The following HK1 variants were observed in gnomAD, a reference collection of about 807,000 sequenced individuals.
HK1 encodes the protein hexokinase-1.
In HK1, 28 loss-of-function variants were observed where a neutral mutation model predicts 91.6. The observed-to-expected ratio is 0.31, with a 90% CI of 0.23 to 0.42. The LOEUF is 0.42. Ranked by LOEUF, HK1 falls within the 10% of genes least tolerant of loss-of-function variation. The probability of loss-of-function intolerance (pLI) is 1.00; values close to 1 mark genes in which losing one functional copy is unlikely to be tolerated. For synonymous variants in HK1, 430 were observed against 468.1 expected (o/e 0.92, Z 1.05); for missense variants, 770 against 1,219.8 (o/e 0.63, Z 5.49).
At chr10:69,375,987 C>T (rs555793616) in intron 7 of HK1, among the ~76,000 whole-genome samples, 20 of 152,210 alleles carry the variant, frequency 1.3e-4, no homozygotes, top group Non-Finnish European at 2.6e-4. Context: ...AGAGCCCAGC[C>T]CTGGAGTTTA....
intron 2 of HK1, among the ~76,000 whole-genome samples, chr10:69,284,172 A>T (rs1844904634): frequency 6.6e-6 from 1 of 152,104 alleles, no homozygotes; most frequent in African/African-American, 2.4e-5. Flanking sequence ...AGTGTGCAAG[A>T]TTGGTTAAGA....
In HK1 at chr10:69,351,138, G is replaced by A. The variant is rs1474456346; in HGVS notation, c.226+7149G>A. 2.0e-5 allele frequency among the ~76,000 whole-genome samples: 3 copies of A among 151,520 alleles called. 1 individual carries two copies. The highest frequency in any genetic ancestry group is 4.9e-5 in the African/African-American group (2 of 41,198). On this transcript the variant is annotated intron_variant, in intron 2 of 17. Transcript: ENST00000359426. ...TGCAGTGAGCCAAGATCACGCCACTGCACTCCAGCCTGGGCGACAGAGCGA... is the reference window on the plus strand; with the variant it reads ...TGCAGTGAGCCAAGATCACGCCACTACACTCCAGCCTGGGCGACAGAGCGA...
At chr10:69,272,323 C>T (rs1433772551) in intron 1 of HK1, among the ~76,000 whole-genome samples, 3 of 152,138 alleles carry the variant, frequency 2.0e-5, no homozygotes, top group Non-Finnish European at 4.4e-5. Flanking sequence ...CGGATATCAC[C>T]TTCTACCTGA....
intron 2 of HK1, among the ~76,000 whole-genome samples, chr10:69,350,153 T>A (rs1848772095): frequency 6.6e-6 from 1 of 152,162 alleles, no homozygotes. Context: ...ATTGGCTTAC[T>A]TGGGTTATGT....
At chr10:69,377,153 G>C (rs1270239184) in intron 8 of HK1, 64 bp downstream of exon 8, 5 of 1,588,900 alleles carry the variant, frequency 3.1e-6, no homozygotes, top group South Asian at 1.1e-5. Flanking sequence ...TTGGTCCCTT[G>C]TTACTTCTTG....
In HK1 at chr10:69,401,660, T is replaced by C. The variant is rs1840398805; in HGVS notation, c.*525T>C. The C allele has an allele frequency of 2.9e-6, 1 of 347,492 alleles. No individual in the cohort carries two copies. Among genetic ancestry groups the C allele is most frequent in the Non-Finnish European group, 5.6e-6 (1 of 177,862 alleles). 21.5% of individuals were successfully genotyped at this position (347,492 alleles called of 1,614,324 possible). ...ACTGTGGCCTGGCATCGCATCGTGG[T>C]GTGTCAATGCCACAAAATCGTGTGT... On this transcript the variant is annotated 3_prime_UTR_variant, in exon 18 of 18. Coordinates refer to ENST00000359426, the MANE Select transcript of HK1 (RefSeq NM_000188.3).
intron 1 of HK1, among the ~76,000 whole-genome samples, chr10:69,274,203 G>A (rs749856317): frequency 4.6e-5 from 7 of 152,138 alleles, no homozygotes; most frequent in Non-Finnish European, 1.0e-4. Context: ...TAGCACTTTG[G>A]TAGGCTGAGG....
chr10:69,328,294 A>G (rs965658652), intron 1 of HK1, among the ~76,000 whole-genome samples: 1 of 152,174 alleles, frequency 6.6e-6, no homozygotes, highest in African/African-American at 2.4e-5. Context: ...GCTCATGTTC[A>G]TCTTGAGTCT....
At chr10:69,301,255 A>C (rs912113715) in intron 5 of HK1, among the ~76,000 whole-genome samples, 19 of 151,272 alleles carry the variant, frequency 1.3e-4, no homozygotes, top group African/African-American at 4.6e-4. Context: ...AAAAAAAAAA[A>C]AAAAAATTAA....
intron 1 of HK1, among the ~76,000 whole-genome samples, chr10:69,341,164 C>T (rs73265749): frequency 0.14 from 20,542 of 151,676 alleles, 1,551 homozygotes; most frequent in African/African-American, 0.16. Context: ...ATATTTCTTT[C>T]TTTCTTTTTT....
chr10:69,280,211 A>T (rs1460110467), intron 1 of HK1, among the ~76,000 whole-genome samples: 1 of 152,002 alleles, frequency 6.6e-6, no homozygotes, highest in Non-Finnish European at 1.5e-5. Flanking sequence ...TCCTGGGCTC[A>T]CGCCATTCTC....
At chr10:69,358,313 C>A (rs769893382) in intron 2 of HK1, among the ~76,000 whole-genome samples, 1 of 152,170 alleles carries the variant, frequency 6.6e-6, no homozygotes, top group South Asian at 2.1e-4. Flanking sequence ...TGCCCATGGC[C>A]GCCTGCCTTT....
chr10:69,356,999 T>A (rs1453092409), intron 2 of HK1, among the ~76,000 whole-genome samples: 1 of 151,828 alleles, frequency 6.6e-6, no homozygotes, highest in East Asian at 1.9e-4. Context: ...CTCAACACCA[T>A]TAGTCATCAG....
chr10:69,283,695 C>T (rs964537099), intron 2 of HK1, among the ~76,000 whole-genome samples: 6 of 144,610 alleles, frequency 4.1e-5, no homozygotes, highest in Non-Finnish European at 7.5e-5. Flanking sequence ...GGACGAGAAT[C>T]GCTTGAACAC....
At chr10:69,294,462 C>T (rs947628700) in intron 3 of HK1, among the ~76,000 whole-genome samples, 1 of 152,212 alleles carries the variant, frequency 6.6e-6, no homozygotes, top group African/African-American at 2.4e-5. Context: ...TGGCTCACAT[C>T]TGTGATCCCA....
At chr10:69,319,083 T>C (rs1846847325) in intron 1 of HK1, 73 bp downstream of exon 1, 12 of 1,518,990 alleles carry the variant, frequency 7.9e-6, no homozygotes, top group Non-Finnish European at 1.1e-5. Flanking sequence ...CCGCCTCCGC[T>C]GCCTCCATCC....
At chr10:69,358,717 G>A (rs1420536396) in intron 2 of HK1, among the ~76,000 whole-genome samples, 1 of 152,146 alleles carries the variant, frequency 6.6e-6, no homozygotes, top group Non-Finnish European at 1.5e-5. Context: ...AAAAAAATTA[G>A]CCAGGCATGC....
intron 12 of HK1, among the ~76,000 whole-genome samples, chr10:69,385,573 C>A (rs1434405215): frequency 6.6e-6 from 1 of 152,212 alleles, no homozygotes; most frequent in Non-Finnish European, 1.5e-5. Context: ...GCCTGTCACG[C>A]TGGAAGAGCT....
chr10:69,319,191 T>C (rs1846859788), intron 1 of HK1, 181 bp downstream of exon 1: 2 of 740,496 alleles, frequency 2.7e-6, no homozygotes, highest in South Asian at 1.7e-5. Flanking sequence ...AGTGTCTCTG[T>C]GTGTGTGCGT....
Sources: allele counts gnomAD v4.1 joint callset (sites outside exome capture counted in the v4.1 genomes callset), GRCh38; gene constraint gnomAD v4.1.1; transcripts MANE v1.5; gene names NCBI Gene and HGNC (gene_info 2026-07-23, HGNC 2026-07-21).